Variants in ITPR2 observed in about 807,000 individuals in gnomAD.
ITPR2 encodes inositol 1,4,5-trisphosphate-gated calcium channel ITPR2.
A neutral mutation model predicts 317.1 loss-of-function variants in ITPR2; 207 were observed. The ratio of observed to expected loss-of-function variants is 0.65; its 90% CI spans 0.58 to 0.73. The LOEUF is 0.73. Ranked by LOEUF, ITPR2 falls within the 30% of genes least tolerant of loss-of-function variation. ITPR2 has a pLI of 0.00. For missense variants in ITPR2, 2,613 were observed against 3,284.0 expected, an observed-to-expected ratio of 0.80 and a Z score of 4.99; for synonymous variants, 1,156 against 1,149.1, an observed-to-expected ratio of 1.01 and a Z score of -0.12.
At chr12:26,491,709 G>C (rs945020311) in intron 39 of ITPR2, among the ~76,000 whole-genome samples, 1 of 152,126 alleles carries the variant, frequency 6.6e-6, no homozygotes, top group African/African-American at 2.4e-5. Context: ...TTGGTCATCA[G>C]TGGGATGTTC....
At chr12:26,455,526 A>G in intron 45 of ITPR2, among the ~76,000 whole-genome samples, 1 of 152,164 alleles carries the variant, frequency 6.6e-6, no homozygotes, top group East Asian at 1.9e-4. Context: ...TTAAACTGAA[A>G]AGAGACAAAG....
chr12:26,533,980 C>T (rs1320042944), intron 37 of ITPR2, among the ~76,000 whole-genome samples: 1 of 152,174 alleles, frequency 6.6e-6, no homozygotes, highest in African/African-American at 2.4e-5. Context: ...TGTCAGTTAT[C>T]TGACTAGAAC....
rs114773493 is a variant in ITPR2, at chr12:26,358,013, C to A, written c.7858-17685G>T. ...AGAGCTACAGAAGCTAGAATACACCCAGAAACCTGCAGCTATGTACATATT... is the reference window on the plus strand; with the variant it reads ...AGAGCTACAGAAGCTAGAATACACCAAGAAACCTGCAGCTATGTACATATT... On this transcript the variant is annotated intron_variant, in intron 55 of 56. Coordinates refer to ENST00000381340, the MANE Select transcript of ITPR2 (RefSeq NM_002223.4). 5.7e-3 allele frequency among the ~76,000 whole-genome samples: 862 copies of A among 152,320 alleles called. 13 individuals are homozygous for A. Among genetic ancestry groups the A allele is most frequent in the African/African-American group, 0.02 (839 of 41,560 alleles).
rs1228871413 is a variant in ITPR2, at chr12:26,448,162, A to G, written c.6343-4512T>C. 1.1e-4 allele frequency among the ~76,000 whole-genome samples: 17 copies of G among 152,194 alleles called. No homozygotes were observed. The East Asian group carries it at 3.1e-3, about 28-fold the overall frequency. Reference sequence around the variant, plus strand: ...AATCTAATTTAGATACTAATTAAAAACTGAAAAACTGCTAATGAAGATATT... The same window carrying G: ...AATCTAATTTAGATACTAATTAAAAGCTGAAAAACTGCTAATGAAGATATT... On this transcript the variant is annotated intron_variant, in intron 45 of 56. Coordinates refer to ENST00000381340, the MANE Select transcript of ITPR2 (RefSeq NM_002223.4).
Position 26,409,875 on chromosome 12 carries a change from A to C in ITPR2, c.7399+1445T>G, listed in dbSNP as rs576279862. Among the ~76,000 whole-genome samples, 14 of 152,294 alleles carry C rather than the reference A, an allele frequency of 9.2e-5. No individual in the cohort carries two copies. In the South Asian group the frequency reaches 1.7e-3, roughly 18 times the overall value. On this transcript the variant is annotated intron_variant, in intron 52 of 56. Coordinates refer to ENST00000381340, the MANE Select transcript of ITPR2 (RefSeq NM_002223.4). ...ACTGGTCAAATTGCGACGACCTGGG[A>C]TTATGGGCTGGCAGAAATATGTAGA...
intron 10 of ITPR2, among the ~76,000 whole-genome samples, chr12:26,690,961 T>C (rs1948229325): frequency 6.6e-6 from 1 of 152,246 alleles, no homozygotes; most frequent in Non-Finnish European, 1.5e-5. Flanking sequence ...AAAATCTCCA[T>C]TTATAAAGAG....
Position 26,832,948 on chromosome 12 carries a change from C to A in ITPR2, c.-167G>T, listed in dbSNP as rs1951142781. 8.7e-6 allele frequency: 5 copies of A among 577,992 alleles called. No individual in the cohort carries two copies. In the South Asian group the frequency reaches 1.0e-4, roughly 12 times the overall value. 35.8% of individuals were successfully genotyped at this position (577,992 alleles called of 1,614,324 possible). On this transcript the variant is annotated 5_prime_UTR_variant, in exon 1 of 57. Coordinates refer to ENST00000381340, the MANE Select transcript of ITPR2 (RefSeq NM_002223.4). Reference sequence around the variant, plus strand: ...CACTGAGCGTCGCGGCTCAGCCGTGCGTGCGCGCCGGGGAAGCCAGACCGG... The same window carrying A: ...CACTGAGCGTCGCGGCTCAGCCGTGAGTGCGCGCCGGGGAAGCCAGACCGG...
chr12:26,423,532 G>A (rs534387434), intron 49 of ITPR2, among the ~76,000 whole-genome samples: 1 of 152,188 alleles, frequency 6.6e-6, no homozygotes, highest in East Asian at 1.9e-4. Context: ...AGATCTTTTT[G>A]TAATATTTTA....
chr12:26,807,503 C>A lies in ITPR2; in HGVS notation c.93-17276G>T, dbSNP rs544775856. Among the ~76,000 whole-genome samples, 3 of 152,334 alleles carry A rather than the reference C, an allele frequency of 2.0e-5. No homozygotes were observed. The East Asian group carries it at 5.8e-4, about 29-fold the overall frequency. On this transcript the variant is annotated intron_variant, in intron 1 of 56. Transcript: ENST00000381340. ...GGTAGGTGAGAAGTCAAAGCTGGAA[C>A]ACAATGTCATATGTGGGGAATCCAA...
intron 13 of ITPR2, among the ~76,000 whole-genome samples, chr12:26,679,076 A>AC (rs1310253970): frequency 6.6e-6 from 1 of 152,228 alleles, no homozygotes; most frequent in Non-Finnish European, 1.5e-5. Context: ...TCCTATCTGC[A>AC]CATCAGAATC....
intron 1 of ITPR2, among the ~76,000 whole-genome samples, chr12:26,826,753 C>A (rs932656463): frequency 3.3e-5 from 5 of 151,574 alleles, no homozygotes; most frequent in Admixed American, 3.3e-4. Flanking sequence ...TACAGATGTA[C>A]ACACACACAC....
chr12:26,804,760 A>T (rs1457953456), intron 1 of ITPR2, among the ~76,000 whole-genome samples: 3 of 152,044 alleles, frequency 2.0e-5, no homozygotes, highest in Admixed American at 6.6e-5. Context: ...TTTTGAGACA[A>T]GGTCTCTCTC....
chr12:26,538,955 C>T (rs1030721143), intron 37 of ITPR2, among the ~76,000 whole-genome samples: 9 of 152,138 alleles, frequency 5.9e-5, no homozygotes, highest in Admixed American at 2.6e-4. Flanking sequence ...TACTTTCTTT[C>T]CTCAGAGAGT....
chr12:26,639,509 G>A (rs933693620), intron 21 of ITPR2, among the ~76,000 whole-genome samples: 9 of 151,080 alleles, frequency 6.0e-5, no homozygotes, highest in Non-Finnish European at 1.3e-4. Flanking sequence ...TAGGGTACAT[G>A]TGCACAACGT....
rs1417160936 is a variant in ITPR2, at chr12:26,672,790, G to C, written c.1410-6739C>G. Among the ~76,000 whole-genome samples the C allele has an allele frequency of 2.0e-5, 3 of 152,092 alleles. No individual in the cohort carries two copies. In the East Asian group the frequency reaches 5.8e-4, roughly 29 times the overall value. ...GTTTTTTGAAAGGATCAACAAAATT[G>C]ATAGACTGCTAGCAAGACTAATAAA... On this transcript the variant is annotated intron_variant, in intron 13 of 56. Transcript: ENST00000381340.
intron 48 of ITPR2, among the ~76,000 whole-genome samples, chr12:26,429,298 A>G (rs1184289222): frequency 1.3e-5 from 2 of 152,208 alleles, no homozygotes; most frequent in African/African-American, 4.8e-5. Flanking sequence ...GAAAGCAAAC[A>G]ATGATGAAAG....
chr12:26,541,114 C>A lies in ITPR2; in HGVS notation c.5073+9133G>T, dbSNP rs536888413. ...CCTTAGGTCAGGAGTTCAAGACCAG[C>A]CTGGTCAACATGGTGAAACCCCATC... On this transcript the variant is annotated intron_variant, in intron 37 of 56. Coordinates refer to ENST00000381340, the MANE Select transcript of ITPR2 (RefSeq NM_002223.4). 2.1e-5 allele frequency among the ~76,000 whole-genome samples: 3 copies of A among 143,912 alleles called. No homozygotes were observed. In the East Asian group the frequency reaches 6.0e-4, roughly 29 times the overall value. 94.4% of individuals were successfully genotyped at this position (143,912 alleles called of 152,430 possible).
At chr12:26,791,605 T>A (rs919715527) in intron 1 of ITPR2, among the ~76,000 whole-genome samples, 5 of 152,180 alleles carry the variant, frequency 3.3e-5, no homozygotes, top group Non-Finnish European at 5.9e-5. Context: ...TTGATTTTTT[T>A]AATATACCCT....
intron 5 of ITPR2, among the ~76,000 whole-genome samples, chr12:26,717,917 C>T (rs549883084): frequency 3.5e-4 from 53 of 152,330 alleles, no homozygotes; most frequent in African/African-American, 1.1e-3. Context: ...TAGGAAAACA[C>T]GTGCTGTTGC....
Sources: gnomAD v4.1 joint callset for allele counts (sites outside exome capture counted in the v4.1 genomes callset) on GRCh38, gnomAD v4.1.1 for gene constraint, MANE v1.5 for transcripts, NCBI Gene and HGNC (gene_info 2026-07-23, HGNC 2026-07-21) for gene names.